The following LARGE1 variants were observed in gnomAD, a reference collection of about 807,000 sequenced individuals.
LARGE1 encodes LARGE xylosyl- and glucuronyltransferase 1.
LARGE1 carries 43 observed loss-of-function variants against 87.6 expected under a neutral mutation model. The observed-to-expected ratio is 0.49, with a 90% CI of 0.38 to 0.63. LARGE1 has a LOEUF of 0.63. Ranked by LOEUF, LARGE1 falls within the 30% of genes least tolerant of loss-of-function variation. LARGE1 has a pLI of 0.00. For missense variants in LARGE1, 802 were observed against 1,000.2 expected (o/e 0.80, Z 2.67); for synonymous variants, 434 against 394.6 (o/e 1.10, Z -1.18).
chr22:33,335,031 C>G (rs779634365), intron 10 of LARGE1, among the ~76,000 whole-genome samples: 11 of 152,216 alleles, frequency 7.2e-5, no homozygotes, highest in Admixed American at 7.2e-4. Context: ...TGAGCAGCAG[C>G]ATGGCATGGG....
intron 1 of LARGE1, among the ~76,000 whole-genome samples, chr22:33,916,675 G>A (rs2065797512): frequency 6.6e-6 from 1 of 152,102 alleles, no homozygotes; most frequent in Non-Finnish European, 1.5e-5. Flanking sequence ...CCCCAATGCA[G>A]TATGCTCCTC....
rs58328033 is a variant in LARGE1, at chr22:33,620,511, G to A, written c.491+5733C>T. ...CGTGTATTGTGCTATTTTCTACTGG[G>A]TAACAAACAAACCTTTGTCATTTAT... On this transcript the variant is annotated intron_variant, in intron 4 of 14. Coordinates refer to ENST00000397394, the MANE Select transcript of LARGE1 (RefSeq NM_133642.5). Among the ~76,000 whole-genome samples, 747 of 152,194 alleles carry A rather than the reference G, an allele frequency of 4.9e-3. 20 individuals are homozygous for A. The East Asian group carries it at 0.091, about 19-fold the overall frequency.
intron 11 of LARGE1, among the ~76,000 whole-genome samples, chr22:33,212,691 T>C (rs1180265601): frequency 6.6e-6 from 1 of 152,180 alleles, no homozygotes; most frequent in African/African-American, 2.4e-5. Flanking sequence ...TTGAAAATCT[T>C]CTGGAAAGGA....
chr22:33,426,923 T>C (rs2066901694), intron 7 of LARGE1, among the ~76,000 whole-genome samples: 1 of 152,160 alleles, frequency 6.6e-6, no homozygotes, highest in South Asian at 2.1e-4. Flanking sequence ...GCCTTTGGGG[T>C]CCCATGCAAA....
chr22:33,646,250 C>T (rs1030457143), intron 3 of LARGE1, among the ~76,000 whole-genome samples: 11 of 152,040 alleles, frequency 7.2e-5, no homozygotes, highest in African/African-American at 1.7e-4. Flanking sequence ...GAATACTATG[C>T]GGCCATAAAA....
chr22:33,175,163 CA>C (rs1390926871), intron 11 of LARGE1, among the ~76,000 whole-genome samples: 2 of 152,098 alleles, frequency 1.3e-5, no homozygotes, highest in African/African-American at 4.8e-5. Context: ...CCCTGGGATG[CA>C]AAGCTGGTTC....
chr22:33,283,493 G>A, intron 12 of LARGE1, 145 bp from the exon 13 acceptor site: 1 of 885,404 alleles, frequency 1.1e-6, no homozygotes, highest in Non-Finnish European at 1.8e-6. Flanking sequence ...TGGGGAAACT[G>A]GGCCAGGTGC....
intron 11 of LARGE1, among the ~76,000 whole-genome samples, chr22:33,192,781 T>C (rs964498467): frequency 3.9e-5 from 6 of 152,214 alleles, no homozygotes; most frequent in Non-Finnish European, 8.8e-5. Context: ...TGTTTTCTTC[T>C]AGTGGTTTTA....
chr22:33,660,406 G>T (rs114265664), intron 2 of LARGE1, among the ~76,000 whole-genome samples: 1,536 of 152,278 alleles, frequency 0.01, 29 homozygotes, highest in African/African-American at 0.035. Flanking sequence ...AATGATAACA[G>T]TGTATACTAG....
At chr22:33,300,826 C>T (rs573471745) in intron 12 of LARGE1, among the ~76,000 whole-genome samples, 14 of 152,270 alleles carry the variant, frequency 9.2e-5, no homozygotes, top group African/African-American at 3.1e-4. Flanking sequence ...ACGCGTGAGC[C>T]ACCGCGCCTG....
At chr22:33,873,730 C>T (rs1448719803) in intron 1 of LARGE1, among the ~76,000 whole-genome samples, 1 of 152,010 alleles carries the variant, frequency 6.6e-6, no homozygotes, top group Non-Finnish European at 1.5e-5. Context: ...CCATTCTTTA[C>T]CCTCCCACTG....
rs5998909 is a variant in LARGE1, at chr22:33,396,186, A to G, written c.893-11882T>C. 8.9e-3 allele frequency among the ~76,000 whole-genome samples: 1,356 copies of G among 152,380 alleles called. 20 individuals carry two copies. The highest frequency in any genetic ancestry group is 0.031 in the African/African-American group (1,283 of 41,588). On this transcript the variant is annotated intron_variant, in intron 7 of 14. Transcript: ENST00000397394. Reference sequence around the variant, plus strand: ...CAGCAGGAGGCTCTGGGGAGCGTGCAGACTCTCATCTCAGAAATGCTGATA... The same window carrying G: ...CAGCAGGAGGCTCTGGGGAGCGTGCGGACTCTCATCTCAGAAATGCTGATA...
chr22:33,715,232 A>T (rs1317394503), intron 2 of LARGE1, among the ~76,000 whole-genome samples: 1 of 152,198 alleles, frequency 6.6e-6, no homozygotes, highest in East Asian at 1.9e-4. Context: ...TACAACCCAG[A>T]GTTACCTGCC....
At chr22:33,104,911 CTTTCTTTCTTTCTTT>C in the LARGE1 span, among the ~76,000 whole-genome samples, 17 of 66,524 alleles carry the variant, frequency 2.6e-4, no homozygotes, top group African/African-American at 7.2e-4. Flanking sequence ...TTCTTTCTTT[CTTTCTTTCTTTCTTT>C]CTTTCTTTCT....
chr22:33,106,596 A>G, the LARGE1 span, among the ~76,000 whole-genome samples: 2 of 151,966 alleles, frequency 1.3e-5, no homozygotes, highest in African/African-American at 2.4e-5. Flanking sequence ...CCCAGGTTGA[A>G]GCGATTCTCC....
At chr22:33,861,312 G>A (rs2063912053) in intron 1 of LARGE1, among the ~76,000 whole-genome samples, 1 of 152,042 alleles carries the variant, frequency 6.6e-6, no homozygotes, top group African/African-American at 2.4e-5. Flanking sequence ...GCCAGCCTTT[G>A]CTAACACCCA....
intron 10 of LARGE1, among the ~76,000 whole-genome samples, chr22:33,326,751 C>T (rs1363797599): frequency 6.6e-6 from 1 of 152,066 alleles, no homozygotes; most frequent in East Asian, 1.9e-4. Context: ...CAAGGGAGGG[C>T]CGAACACCTG....
chr22:33,531,794 T>C (rs1338233790), intron 6 of LARGE1, among the ~76,000 whole-genome samples: 4 of 152,130 alleles, frequency 2.6e-5, no homozygotes, highest in Non-Finnish European at 5.9e-5. Context: ...AGCTGTAGGG[T>C]CTCAAGGACC....
intron 6 of LARGE1, among the ~76,000 whole-genome samples, chr22:33,561,069 C>T (rs1054248670): frequency 3.3e-5 from 5 of 152,214 alleles, no homozygotes; most frequent in Non-Finnish European, 2.9e-5. Flanking sequence ...CGGGCTCGGC[C>T]TCCCAAAGTG....
Sources: gnomAD v4.1 joint callset for allele counts (sites outside exome capture counted in the v4.1 genomes callset) on GRCh38, gnomAD v4.1.1 for gene constraint, MANE v1.5 for transcripts, NCBI Gene and HGNC (gene_info 2026-07-23, HGNC 2026-07-21) for gene names.